The following AKAP1 variants were observed in gnomAD, a reference collection of about 807,000 sequenced individuals.
AKAP1 encodes the protein A-kinase anchor protein 1, mitochondrial.
A neutral mutation model predicts 79.8 loss-of-function variants in AKAP1; 32 were observed. The observed-to-expected ratio is 0.40, with a 90% CI of 0.30 to 0.54. The LOEUF is 0.54. AKAP1 is among the 20% of genes least tolerant of loss of function. The pLI is 0.47. For synonymous variants in AKAP1, 416 were observed against 466.7 expected (o/e 0.89, Z 1.40); for missense variants, 961 against 1,138.9 (o/e 0.84, Z 2.25).
chr17:57,119,535 G>A (rs1046841564), intron 10 of AKAP1, among the ~76,000 whole-genome samples: 7 of 151,952 alleles, frequency 4.6e-5, no homozygotes, highest in African/African-American at 1.7e-4. Flanking sequence ...CCAACATGGC[G>A]AAACCCCCAT....
chr17:57,102,113 AT>A (rs1914553994), intron 1 of AKAP1, among the ~76,000 whole-genome samples: 1 of 151,942 alleles, frequency 6.6e-6, no homozygotes, highest in Non-Finnish European at 1.5e-5. Flanking sequence ...TTGAAAAAAA[AT>A]TTTTTAAGGG....
Position 57,114,620 on chromosome 17 carries a change from G to T in AKAP1, c.2265G>T (p.Leu755Phe). Residue 755 changes from leucine to phenylalanine, a missense_variant, in exon 6 of 11, where the codon TTG (leucine) becomes TTT (phenylalanine). Physicochemically the swap from Leu to Phe is conservative, Grantham distance 22 (BLOSUM62 0). Coordinates refer to ENST00000337714, the MANE Select transcript of AKAP1 (RefSeq NM_003488.4). ...LCYSQPGIPTLPTPVEITVIC... is the reference protein window; with the variant it reads ...LCYSQPGIPTFPTPVEITVIC... Reference sequence around the variant, plus strand: ...ACTCTCAGCCTGGAATCCCCACCTTGCCCACCCCAGTGGAAAGTAAGCAGT... The same window carrying T: ...ACTCTCAGCCTGGAATCCCCACCTTTCCCACCCCAGTGGAAAGTAAGCAGT... The T allele has an allele frequency of 6.2e-7, 1 of 1,613,950 alleles. No homozygotes were observed. Among genetic ancestry groups the T allele is most frequent in the Non-Finnish European group, 8.5e-7 (1 of 1,179,952 alleles).
chr17:57,110,893 G>T (rs1317479964), intron 3 of AKAP1, among the ~76,000 whole-genome samples: 1 of 152,148 alleles, frequency 6.6e-6, no homozygotes, highest in Non-Finnish European at 1.5e-5. Context: ...TGATCTTGAT[G>T]TTTATCTCTG....
At chr17:57,113,084 G>A (rs745732866) in intron 5 of AKAP1, among the ~76,000 whole-genome samples, 2 of 152,146 alleles carry the variant, frequency 1.3e-5, no homozygotes, top group Non-Finnish European at 2.9e-5. Context: ...CCCTCCCCAG[G>A]AGGTGCCTAA....
At chr17:57,114,394 G>C in intron 5 of AKAP1, 65 bp from the exon 6 acceptor site, 1 of 1,572,066 alleles carries the variant, frequency 6.4e-7, no homozygotes, top group Admixed American at 1.7e-5. Context: ...CTTGGGTCTC[G>C]GGACTTATTC....
chr17:57,116,872 C>T lies in AKAP1; in HGVS notation c.2445C>T (p.Val815=). ...CTTGCCTTCCCAGGTCTGACTTTGT[C>T]ACCCTGCCGTTTCAGGGAGCAGAAG... ...DVLRQIRSDF[V]TLPFQGAEVL... is the part of the protein sequence containing the mutation. Residue 815 remains valine (V), a synonymous_variant, in exon 8 of 11, where the codon GTC becomes GTT. Coordinates refer to ENST00000337714, the MANE Select transcript of AKAP1 (RefSeq NM_003488.4). 6.2e-7 allele frequency: 1 copy of T among 1,614,216 alleles called. No individual in the cohort carries two copies. Among genetic ancestry groups the T allele is most frequent in the Non-Finnish European group, 8.5e-7 (1 of 1,180,034 alleles).
At chr17:57,099,288 C>G (rs1914335021) in intron 1 of AKAP1, among the ~76,000 whole-genome samples, 1 of 152,152 alleles carries the variant, frequency 6.6e-6, no homozygotes, top group African/African-American at 2.4e-5. Flanking sequence ...CTGGTAATCT[C>G]TGTTCTCAAG....
chr17:57,095,815 T>A (rs900692938), intron 1 of AKAP1: 7 of 152,190 alleles, frequency 4.6e-5, no homozygotes, highest in Non-Finnish European at 8.8e-5. Flanking sequence ...TGGGCAGTTT[T>A]GTGTAATGTC....
At position 57,112,544 on chromosome 17, in the gene AKAP1, G is replaced by A; in HGVS notation, c.2029G>A (p.Glu677Lys). The A allele has an allele frequency of 6.2e-7, 1 of 1,614,180 alleles. No individual in the cohort carries two copies. The highest frequency in any genetic ancestry group is 8.5e-7 in the Non-Finnish European group (1 of 1,180,030). The part of the protein sequence containing the change: ...ALNLIGKKFK[E>K]LNLTNIYAPP... ...GAACTTGATTGGGAAGAAGTTCAAAGAGCTGAACCTCACCAATATCTACGC... is the reference window on the plus strand; with the variant it reads ...GAACTTGATTGGGAAGAAGTTCAAAAAGCTGAACCTCACCAATATCTACGC... Residue 677 changes from glutamate to lysine, a missense_variant, in exon 5 of 11, where the codon GAG (glutamate) becomes AAG (lysine). By Grantham distance (56) the Glu-to-Lys change is moderately conservative (BLOSUM62 1). Transcript: ENST00000337714.
intron 1 of AKAP1, among the ~76,000 whole-genome samples, chr17:57,104,874 T>C (rs1423502669): frequency 6.6e-6 from 1 of 152,256 alleles, no homozygotes; most frequent in Admixed American, 6.5e-5. Context: ...TTTGCTGTGT[T>C]GGTCCCTCAC....
At chr17:57,089,792 CA>C (rs1210318835) in intron 1 of AKAP1, among the ~76,000 whole-genome samples, 1 of 152,194 alleles carries the variant, frequency 6.6e-6, no homozygotes, top group African/African-American at 2.4e-5. Context: ...AGTGGACGAA[CA>C]GTTTTGAAAC....
chr17:57,115,675 G>A (rs74832184), intron 6 of AKAP1, among the ~76,000 whole-genome samples: 2,239 of 152,300 alleles, frequency 0.015, 53 homozygotes, highest in African/African-American at 0.051. Flanking sequence ...TGAGTTGTGG[G>A]CTGGAGCACA....
chr17:57,102,542 T>C (rs1187622954), intron 1 of AKAP1, among the ~76,000 whole-genome samples: 1 of 151,510 alleles, frequency 6.6e-6, no homozygotes, highest in Non-Finnish European at 1.5e-5. Flanking sequence ...CTTGGCTCAC[T>C]GCAACCTCTG....
chr17:57,105,289 A>G (rs541292571), intron 1 of AKAP1, among the ~76,000 whole-genome samples, 152 bp from the exon 2 acceptor site: 62 of 152,288 alleles, frequency 4.1e-4, no homozygotes, highest in African/African-American at 1.5e-3. Flanking sequence ...GTGGACTGGT[A>G]CGAGCTGAGA....
intron 1 of AKAP1, among the ~76,000 whole-genome samples, chr17:57,087,610 G>C (rs1230441938): frequency 6.6e-6 from 1 of 152,156 alleles, no homozygotes; most frequent in African/African-American, 2.4e-5. Context: ...GACTGTGATA[G>C]GTGCTTAAGC....
rs1275497375 is a variant in AKAP1, at chr17:57,106,714, C to T, written c.1250C>T (p.Ala417Val). Residue 417 changes from alanine to valine, a missense_variant, in exon 2 of 11, where the codon GCT (alanine) becomes GTT (valine). Ala to Val is a moderately conservative substitution (Grantham distance 64, BLOSUM62 0). Coordinates refer to ENST00000337714, the MANE Select transcript of AKAP1 (RefSeq NM_003488.4). ...GAGGCAGCTGTTGCCCCGCCGGATG[C>T]TGGCCTCCCCTTGCCAGGCCTACCA... ...TAEAAVAPPD[A>V]GLPLPGLPAE... is the part of the protein sequence containing the mutation. 3 of 1,613,866 alleles carry T rather than the reference C, an allele frequency of 1.9e-6. No individual in the cohort carries two copies. The highest frequency in any genetic ancestry group is 2.5e-6 in the Non-Finnish European group (3 of 1,180,042).
chr17:57,118,241 G>A, intron 8 of AKAP1, 140 bp from the exon 9 acceptor site: 1 of 718,356 alleles, frequency 1.4e-6, no homozygotes, highest in African/African-American at 1.7e-5. Flanking sequence ...CTCTGACCTG[G>A]GTGGATCTCC....
intron 1 of AKAP1, among the ~76,000 whole-genome samples, chr17:57,088,236 A>T (rs969453353): frequency 6.6e-6 from 1 of 152,150 alleles, no homozygotes; most frequent in Non-Finnish European, 1.5e-5. Flanking sequence ...ATCATTTAAC[A>T]TTAAGTTCCC....
intron 7 of AKAP1, 56 bp downstream of exon 7, chr17:57,116,317 C>A: frequency 6.2e-7 from 1 of 1,600,190 alleles, no homozygotes; most frequent in South Asian, 1.1e-5. Context: ...GATGCGTGAT[C>A]TCTGCGTGGC....
Sources: allele counts gnomAD v4.1 joint callset (sites outside exome capture counted in the v4.1 genomes callset), GRCh38; gene constraint gnomAD v4.1.1; transcripts MANE v1.5; gene names NCBI Gene and HGNC (gene_info 2026-07-23, HGNC 2026-07-21).